The following GLI2 variants were observed in gnomAD, a reference collection of about 807,000 sequenced individuals.
GLI2 encodes GLI family zinc finger 2.
GLI2 carries 22 observed loss-of-function variants against 78.9 expected under a neutral mutation model. The ratio of observed to expected loss-of-function variants is 0.28; its 90% CI spans 0.20 to 0.40. The LOEUF (loss-of-function observed/expected upper bound fraction) is 0.40, where lower values mean the gene tolerates loss of function less well. GLI2 is among the 10% of genes least tolerant of loss of function. The pLI is 1.00. For missense variants in GLI2, 2,097 were observed against 2,213.2 expected (o/e 0.95, Z 1.05); for synonymous variants, 974 against 963.7 (o/e 1.01, Z -0.20).
At chr2:120,968,466 C>T (rs1047978219) in intron 5 of GLI2, among the ~76,000 whole-genome samples, 1 of 152,228 alleles carries the variant, frequency 6.6e-6, no homozygotes, top group Non-Finnish European at 1.5e-5. Context: ...CTCATATTCA[C>T]TCGCCCAAAC....
intron 2 of GLI2, among the ~76,000 whole-genome samples, chr2:120,828,263 C>A (rs556007178): frequency 6.6e-6 from 1 of 152,316 alleles, no homozygotes; most frequent in Admixed American, 6.5e-5. Context: ...TCTGAGGAAA[C>A]GTTCGTTAGT....
intron 1 of GLI2, among the ~76,000 whole-genome samples, chr2:120,750,626 G>A (rs1289476667): frequency 1.3e-5 from 2 of 152,192 alleles, no homozygotes; most frequent in Non-Finnish European, 2.9e-5. Context: ...CGATATATTT[G>A]GCAGCTACCA....
chr2:120,882,958 G>A (rs1209013592), intron 2 of GLI2, among the ~76,000 whole-genome samples: 4 of 152,006 alleles, frequency 2.6e-5, no homozygotes, highest in Admixed American at 6.6e-5. Flanking sequence ...TCCCCAGAGC[G>A]GGCATCCTGT....
At chr2:120,816,844 C>G (rs1685519953) in intron 2 of GLI2, among the ~76,000 whole-genome samples, 1 of 152,158 alleles carries the variant, frequency 6.6e-6, no homozygotes, top group Admixed American at 6.5e-5. Flanking sequence ...TTTTAAAAGC[C>G]TTTTCGCCTA....
chr2:120,767,378 C>A (rs940162127), intron 1 of GLI2, among the ~76,000 whole-genome samples: 11 of 151,972 alleles, frequency 7.2e-5, no homozygotes, highest in African/African-American at 2.7e-4. Flanking sequence ...GGGCGGGTGG[C>A]AAGCATGTTC....
chr2:120,862,009 C>T (rs746593008), intron 2 of GLI2, among the ~76,000 whole-genome samples: 1 of 152,282 alleles, frequency 6.6e-6, no homozygotes, highest in East Asian at 1.9e-4. Context: ...AGGAGGAACA[C>T]GGAGATGTGC....
rs1357654147 is a variant in GLI2 at position 120,989,405 on chromosome 2, C to T, written c.3440C>T (p.Pro1147Leu). Reference sequence around the variant, plus strand: ...GCCCTGGCCAGCCAGGTGAAGCCTCCACCCTTTCCTCAGGGCAACCTGGCG... The same window carrying T: ...GCCCTGGCCAGCCAGGTGAAGCCTCTACCCTTTCCTCAGGGCAACCTGGCG... Reference protein sequence around the residue: ...VDALASQVKPPPFPQGNLAVV... With the variant: ...VDALASQVKPLPFPQGNLAVV... Residue 1147 changes from proline to leucine, a missense_variant, in exon 14 of 14, where the codon CCA becomes CTA. Pro to Leu is a moderately conservative substitution (Grantham distance 98, BLOSUM62 -3). Transcript: ENST00000361492. 6.2e-7 allele frequency: 1 copy of T among 1,613,076 alleles called. No individual in the cohort carries two copies. Among genetic ancestry groups the T allele is most frequent in the Non-Finnish European group, 8.5e-7 (1 of 1,179,980 alleles).
At chr2:120,922,036 C>G (rs560487666) in intron 2 of GLI2, among the ~76,000 whole-genome samples, 27 of 152,312 alleles carry the variant, frequency 1.8e-4, no homozygotes, top group African/African-American at 5.8e-4. Context: ...AGCTTCATCC[C>G]CCTCTGACAC....
chr2:120,881,886 G>A (rs1677170765), intron 2 of GLI2, among the ~76,000 whole-genome samples: 1 of 151,710 alleles, frequency 6.6e-6, no homozygotes, highest in Non-Finnish European at 1.5e-5. Flanking sequence ...TGGAGCTGGC[G>A]GCATCATGAA....
intron 1 of GLI2, among the ~76,000 whole-genome samples, chr2:120,774,545 A>T (rs1683622825): frequency 6.6e-6 from 1 of 152,208 alleles, no homozygotes; most frequent in Non-Finnish European, 1.5e-5. Context: ...ATTTGCACAA[A>T]TTCCTAGACA....
At chr2:120,781,059 A>C (rs539412556) in intron 1 of GLI2, among the ~76,000 whole-genome samples, 22 of 152,244 alleles carry the variant, frequency 1.4e-4, no homozygotes, top group Admixed American at 5.2e-4. Context: ...CCTGGGCATA[A>C]ACCTTTCTTT....
At chr2:120,841,888 T>TGTGTGTGTGA (rs768879101) in intron 2 of GLI2, among the ~76,000 whole-genome samples, 52 of 150,902 alleles carry the variant, frequency 3.4e-4, no homozygotes, top group Admixed American at 8.6e-4. Context: ...TGTGTGTGTG[T>TGTGTGTGTGA]GATGCTGGGC....
chr2:120,766,392 G>A (rs548060442), intron 1 of GLI2, among the ~76,000 whole-genome samples: 1 of 152,364 alleles, frequency 6.6e-6, no homozygotes, highest in South Asian at 2.1e-4. Flanking sequence ...CTCCCCACCT[G>A]TGGAGGGAAG....
intron 1 of GLI2, among the ~76,000 whole-genome samples, chr2:120,763,616 G>A (rs1683280608): frequency 6.6e-6 from 1 of 152,198 alleles, no homozygotes; most frequent in Non-Finnish European, 1.5e-5. Flanking sequence ...CCCGTGTGCT[G>A]TGGGTCCACT....
chr2:120,960,119 G>A lies in GLI2; in HGVS notation c.643+4689G>A, dbSNP rs148068549. 5.3e-3 allele frequency among the ~76,000 whole-genome samples: 810 copies of A among 152,266 alleles called. 7 individuals are homozygous for A. Among genetic ancestry groups the A allele is most frequent in the African/African-American group, 0.014 (601 of 41,550 alleles). ...TGGGCACCTTCTATTTACCAGGCTCGGTTCTAGGTCTAGGGACGCAACGCA... is the reference window on the plus strand; with the variant it reads ...TGGGCACCTTCTATTTACCAGGCTCAGTTCTAGGTCTAGGGACGCAACGCA... On this transcript the variant is annotated intron_variant, in intron 5 of 13. Transcript: ENST00000361492.
intron 2 of GLI2, among the ~76,000 whole-genome samples, chr2:120,808,116 C>T (rs1033919268): frequency 5.3e-5 from 8 of 152,192 alleles, no homozygotes; most frequent in Non-Finnish European, 1.0e-4. Context: ...CTTTCCATCT[C>T]GTTTTCAGCA....
At chr2:120,890,063 G>A (rs1677604745) in intron 2 of GLI2, among the ~76,000 whole-genome samples, 1 of 152,182 alleles carries the variant, frequency 6.6e-6, no homozygotes, top group Admixed American at 6.5e-5. Context: ...CAGCCCAGAT[G>A]TCTTTTCGTG....
intron 1 of GLI2, among the ~76,000 whole-genome samples, chr2:120,757,821 G>C (rs1022954898): frequency 6.6e-6 from 1 of 152,180 alleles, no homozygotes; most frequent in African/African-American, 2.4e-5. Context: ...AGGAAGCTGG[G>C]GCAGGCTAAG....
chr2:120,864,741 C>G (rs889227346), intron 2 of GLI2, among the ~76,000 whole-genome samples: 5 of 152,188 alleles, frequency 3.3e-5, no homozygotes, highest in Non-Finnish European at 5.9e-5. Context: ...GTCACCGCGC[C>G]CGGCCCCATC....
Sources: gnomAD v4.1 joint callset for allele counts (sites outside exome capture counted in the v4.1 genomes callset) on GRCh38, gnomAD v4.1.1 for gene constraint, MANE v1.5 for transcripts, NCBI Gene and HGNC (gene_info 2026-07-23, HGNC 2026-07-21) for gene names.